Variants in AP2S1 observed in about 807,000 individuals in gnomAD.
The protein encoded by AP2S1 is adaptor related protein complex 2 subunit sigma 1.
A neutral mutation model predicts 21.0 loss-of-function variants in AP2S1; 6 were observed. That is an observed-to-expected ratio of 0.29 (90% confidence interval 0.16 to 0.56). The LOEUF (loss-of-function observed/expected upper bound fraction) is 0.56. Among genes scored for constraint, AP2S1 ranks in the 20% least tolerant of loss-of-function variants. The pLI is 0.92. For missense variants in AP2S1, 60 were observed against 186.2 expected (o/e 0.32, Z 3.95); for synonymous variants, 63 against 74.6 (o/e 0.84, Z 0.80).
chr19:46,845,121 A>C (rs887240424), intron 2 of AP2S1, among the ~76,000 whole-genome samples: 1 of 140,512 alleles, frequency 7.1e-6, no homozygotes, highest in African/African-American at 2.7e-5. Context: ...AAAAAAAGGC[A>C]AAAAAGGCCA....
In AP2S1 at chr19:46,850,786, C is replaced by G; in HGVS notation, c.-20G>C. The G allele has an allele frequency of 1.3e-6, 2 of 1,571,000 alleles. No homozygotes were observed. The highest frequency in any genetic ancestry group is 1.7e-6 in the Non-Finnish European group (2 of 1,157,906). ...TACCATGGCGACCCCCGTCCAGACC[C>G]CAGCGGCCCCGGTCCCGCGGCGACT... On this transcript the variant is annotated 5_prime_UTR_variant, in exon 1 of 5. Transcript: ENST00000263270.
At chr19:46,850,322 C>T (rs2055715758) in intron 1 of AP2S1, 1 of 1,243,086 alleles carries the variant, frequency 8.0e-7, no homozygotes, top group Non-Finnish European at 1.0e-6. Flanking sequence ...GAGACTCCTC[C>T]CATCAAGAAA....
chr19:46,839,286 C>CAAAAAAAAAAAAAAAAAAAAAAAAAAA (rs771792607), intron 3 of AP2S1, among the ~76,000 whole-genome samples, 179 bp downstream of exon 3: 9 of 72,922 alleles, frequency 1.2e-4, no homozygotes, highest in African/African-American at 4.0e-4. Flanking sequence ...GACTCCGTCT[C>CAAAAAAAAAAAAAAAAAAAAAAAAAAA]AAAAAAAAAA....
intron 2 of AP2S1, among the ~76,000 whole-genome samples, chr19:46,840,408 G>A (rs1253379482): frequency 2.7e-5 from 4 of 150,128 alleles, no homozygotes; most frequent in African/African-American, 4.9e-5. Context: ...CCAGGAGGCC[G>A]GGCGAGAGGA....
intron 2 of AP2S1, 125 bp from the exon 3 acceptor site, chr19:46,839,703 C>T: frequency 6.7e-7 from 1 of 1,489,486 alleles, no homozygotes; most frequent in Non-Finnish European, 9.0e-7. Flanking sequence ...GTGCCTGGCC[C>T]TGTGCTGGGG....
intron 1 of AP2S1, 23 bp downstream of exon 1, chr19:46,850,741 C>T (rs771293187): frequency 1.9e-6 from 3 of 1,570,162 alleles, no homozygotes; most frequent in Non-Finnish European, 1.7e-6. Context: ...CCGCCAGTCC[C>T]CGGCGTAGCG....
At chr19:46,842,462 A>G in intron 2 of AP2S1, among the ~76,000 whole-genome samples, 1 of 152,216 alleles carries the variant, frequency 6.6e-6, no homozygotes. Flanking sequence ...GAGGAGGCAC[A>G]CAGAAACATT....
intron 3 of AP2S1, among the ~76,000 whole-genome samples, 141 bp downstream of exon 3, chr19:46,839,309 AAAAAAAAAGAAAAAG>A: frequency 1.5e-5 from 2 of 134,292 alleles, no homozygotes; most frequent in Admixed American, 7.4e-5. Context: ...AAAAAAAAAA[AAAAAAAAAGAAAAAG>A]AAAAAAAAGA....
At chr19:46,839,283 T>A (rs2055467490) in intron 3 of AP2S1, among the ~76,000 whole-genome samples, 182 bp downstream of exon 3, 2 of 48,004 alleles carry the variant, frequency 4.2e-5, no homozygotes, top group Non-Finnish European at 7.2e-5. Flanking sequence ...CAAGACTCCG[T>A]CTCAAAAAAA....
Position 46,841,767 on chromosome 19 carries a change from C to A in AP2S1, c.154-2189G>T, listed in dbSNP as rs187938227. ...CCTTATATGGCAAAAAGGGACTCTG[C>A]AGTCTCAACTTGTGACGAAGTTAAG... On this transcript the variant is annotated intron_variant, in intron 2 of 4. Transcript: ENST00000263270. Among the ~76,000 whole-genome samples the A allele has an allele frequency of 2.6e-3, 397 of 152,352 alleles. 12 individuals are homozygous for A. The highest frequency in any genetic ancestry group is 2.1e-4 in the Non-Finnish European group (14 of 68,036).
Position 46,845,417 on chromosome 19 carries a change from T to G in AP2S1, c.153+576A>C, listed in dbSNP as rs200166184. Among the ~76,000 whole-genome samples the G allele has an allele frequency of 7.1e-4, 17 of 24,008 alleles. 1 individual carries two copies. The highest frequency in any genetic ancestry group is 3.1e-3 in the Admixed American group (11 of 3,504). 15.8% of individuals were successfully genotyped at this position (24,008 alleles called of 152,430 possible). ...TAAGACTCTGTCTCAAAAAAAGTAA[T>G]TAATTAATTAATTAATTAATTAATT... On this transcript the variant is annotated intron_variant, in intron 2 of 4. Coordinates refer to ENST00000263270, the MANE Select transcript of AP2S1 (RefSeq NM_004069.6).
intron 1 of AP2S1, among the ~76,000 whole-genome samples, chr19:46,847,629 A>G (rs1316789971): frequency 6.6e-6 from 1 of 152,070 alleles, no homozygotes; most frequent in Non-Finnish European, 1.5e-5. Flanking sequence ...CCTGGCAGCC[A>G]CGAGTCTCCT....
intron 1 of AP2S1, among the ~76,000 whole-genome samples, chr19:46,849,010 CTTTT>C (rs59512372): frequency 1.8e-5 from 1 of 56,164 alleles, no homozygotes; most frequent in African/African-American, 8.6e-5. Context: ...TGTGCCCAGC[CTTTT>C]TTTTTTTTTT....
chr19:46,844,148 C>A (rs1393873118), intron 2 of AP2S1, among the ~76,000 whole-genome samples: 1 of 152,042 alleles, frequency 6.6e-6, no homozygotes, highest in Non-Finnish European at 1.5e-5. Flanking sequence ...TGTGATCCAC[C>A]CACCTTGGCC....
chr19:46,850,266 C>T, intron 1 of AP2S1: 2 of 1,234,286 alleles, frequency 1.6e-6, no homozygotes, highest in South Asian at 3.9e-5. Flanking sequence ...TCTCCTGCCC[C>T]TGTCTCAACA....
At position 46,850,839 on chromosome 19, in the gene AP2S1, T is replaced by C. The variant is rs899715954; in HGVS notation, c.-73A>G. On this transcript the variant is annotated 5_prime_UTR_variant, in exon 1 of 5. Coordinates refer to ENST00000263270, the MANE Select transcript of AP2S1 (RefSeq NM_004069.6). Reference sequence around the variant, plus strand: ...GCAGCTCCGGCTCAGGGTGCAGTTGTAGGGCCCAGAGCTAGAGCGGACTTC... The same window carrying C: ...GCAGCTCCGGCTCAGGGTGCAGTTGCAGGGCCCAGAGCTAGAGCGGACTTC... The C allele has an allele frequency of 4.2e-6, 6 of 1,431,350 alleles. No homozygotes were observed. The highest frequency in any genetic ancestry group is 2.6e-5 in the East Asian group (1 of 38,552). 88.7% of individuals were successfully genotyped at this position (1,431,350 alleles called of 1,614,324 possible).
At chr19:46,847,139 C>T (rs2055650310) in intron 1 of AP2S1, among the ~76,000 whole-genome samples, 1 of 152,114 alleles carries the variant, frequency 6.6e-6, no homozygotes, top group Admixed American at 6.6e-5. Context: ...AAATGTAATT[C>T]ACACACCATA....
chr19:46,845,709 A>G, intron 2 of AP2S1: 2 of 275,984 alleles, frequency 7.2e-6, no homozygotes, highest in East Asian at 1.3e-4. Context: ...ATAACAATGC[A>G]GAACAAAAAG....
chr19:46,844,979 G>A (rs1279512364), intron 2 of AP2S1, among the ~76,000 whole-genome samples: 1 of 151,620 alleles, frequency 6.6e-6, no homozygotes, highest in Non-Finnish European at 1.5e-5. Context: ...GCGAGCACCT[G>A]TAATCCCAGC....
Sources: allele counts gnomAD v4.1 joint callset (sites outside exome capture counted in the v4.1 genomes callset), GRCh38; gene constraint gnomAD v4.1.1; transcripts MANE v1.5; gene names NCBI Gene and HGNC (gene_info 2026-07-23, HGNC 2026-07-21).